The following ZBTB8A variants were observed in gnomAD, a reference collection of about 807,000 sequenced individuals.
ZBTB8A encodes the protein zinc finger and BTB domain-containing protein 8A.
A neutral mutation model predicts 37.8 loss-of-function variants in ZBTB8A; 19 were observed. That is an observed-to-expected ratio of 0.50 (90% CI 0.35 to 0.74). ZBTB8A has a LOEUF of 0.74. Ranked by LOEUF, ZBTB8A falls within the 30% of genes least tolerant of loss-of-function variation. The probability of loss-of-function intolerance (pLI) is 0.01; values close to 1 mark genes in which losing one functional copy is unlikely to be tolerated. For synonymous variants in ZBTB8A, 181 were observed against 185.2 expected (o/e 0.98, Z 0.19); for missense variants, 394 against 537.8 (o/e 0.73, Z 2.65).
intron 2 of ZBTB8A, among the ~76,000 whole-genome samples, chr1:32,564,083 C>T (rs1644262783): frequency 1.3e-5 from 2 of 152,110 alleles, no homozygotes; most frequent in South Asian, 2.1e-4. Context: ...TGTCACTGGT[C>T]CTGAGGACAT....
rs1197274526 is a variant in ZBTB8A at position 32,547,557 on chromosome 1, A to C, written c.-83-5902A>C. On this transcript the variant is annotated intron_variant, in intron 1 of 4. Transcript: ENST00000373510. ...CATAAACTTTTAGGTTGCAAATCTT[A>C]TTTTAGGTTATAGATCTCATTCTCA... Among the ~76,000 whole-genome samples, 4 of 138,486 alleles carry C rather than the reference A, an allele frequency of 2.9e-5. No individual in the cohort carries two copies. The Admixed American group carries it at 3.3e-4, about 11-fold the overall frequency. The allele number at this position is 138,486 out of a possible 152,430, so 90.9% of individuals were successfully genotyped here. A position where few individuals can be genotyped will look rare whatever the true frequency, so the allele number is the denominator to read the frequency against.
Position 32,593,747 on chromosome 1 carries a change from C to T in ZBTB8A, c.816C>T (p.Ser272=), listed in dbSNP as rs573464108. 7.5e-6 allele frequency: 12 copies of T among 1,606,664 alleles called. No homozygotes were observed. Among genetic ancestry groups the T allele is most frequent in the Non-Finnish European group, 9.3e-6 (11 of 1,176,616 alleles). Residue 272 remains serine, a synonymous_variant, in exon 3 of 5, where the codon AGC becomes AGT. Transcript: ENST00000373510. ...AAGGATCTGATGTCACATCCAAAAG[C>T]TTTCCAGGTACCCAAAAAGAGCATA... ...YGQGSDVTSK[S]FPDDLPRMRF... is the part of the protein sequence containing the mutation.
rs1416227778 is a variant in ZBTB8A, at chr1:32,577,597, T to TC, written c.-1-15334_-1-15333insC. On this transcript the variant is annotated intron_variant, in intron 2 of 4. Coordinates refer to ENST00000373510, the MANE Select transcript of ZBTB8A (RefSeq NM_001040441.3). The stretch of plus-strand genomic sequence containing the variant: ...TCAGATATTGTATTCTTTTTTTTTT[T>TC]TTTTTTTTTTTTGAGACAGAGTCTT... Among the ~76,000 whole-genome samples, 15 of 145,810 alleles carry TC rather than the reference T, an allele frequency of 1.0e-4. No homozygotes were observed. The East Asian group carries it at 3.0e-3, about 29-fold the overall frequency.
chr1:32,561,416 A>G (rs1488288358), intron 2 of ZBTB8A, among the ~76,000 whole-genome samples: 1 of 152,078 alleles, frequency 6.6e-6, no homozygotes, highest in African/African-American at 2.4e-5. Context: ...CTGCCTCTGA[A>G]GGTTGTAGGG....
intron 2 of ZBTB8A, among the ~76,000 whole-genome samples, chr1:32,568,129 A>G (rs1644297839): frequency 6.6e-6 from 1 of 152,080 alleles, no homozygotes; most frequent in South Asian, 2.1e-4. Context: ...AGCCTGGGCG[A>G]CAGAGCAAGA....
intron 2 of ZBTB8A, among the ~76,000 whole-genome samples, chr1:32,554,648 T>A (rs1301467552): frequency 6.6e-6 from 1 of 151,952 alleles, no homozygotes; most frequent in African/African-American, 2.4e-5. Flanking sequence ...CTGGCTAATT[T>A]ATGTATTTTT....
chr1:32,578,994 G>A (rs889349069), intron 2 of ZBTB8A, among the ~76,000 whole-genome samples: 4 of 152,106 alleles, frequency 2.6e-5, no homozygotes, highest in African/African-American at 9.7e-5. Flanking sequence ...TAATGGATCA[G>A]CTTGATTTGG....
In ZBTB8A at chr1:32,593,883, A is replaced by G. The variant is rs867236147; in HGVS notation, c.823+129A>G. On this transcript the variant is annotated intron_variant, in intron 3 of 4. Coordinates refer to ENST00000373510, the MANE Select transcript of ZBTB8A (RefSeq NM_001040441.3). ...GCAAGTGATTTTTTTCAAAAGTTCT[A>G]TTTTTGTAATGAAATTTATTTAGTA... is the stretch of plus-strand genomic sequence containing the variant. 5 of 726,062 alleles carry G rather than the reference A, an allele frequency of 6.9e-6. No individual in the cohort carries two copies. The Admixed American group carries it at 9.2e-5, about 13-fold the overall frequency. The allele number at this position is 726,062 out of a possible 1,614,324, so 45.0% of individuals were successfully genotyped here.
intron 2 of ZBTB8A, among the ~76,000 whole-genome samples, chr1:32,590,289 T>C (rs1304927680): frequency 6.6e-6 from 1 of 152,004 alleles, no homozygotes; most frequent in Non-Finnish European, 1.5e-5. Flanking sequence ...GTAAATCTGG[T>C]CTCCAGAATC....
intron 2 of ZBTB8A, among the ~76,000 whole-genome samples, chr1:32,574,562 A>G (rs1333238496): frequency 6.6e-6 from 1 of 152,168 alleles, no homozygotes; most frequent in African/African-American, 2.4e-5. Context: ...GCAGCCCTGC[A>G]CTCCAGACTG....
At chr1:32,580,605 C>T (rs1644396082) in intron 2 of ZBTB8A, among the ~76,000 whole-genome samples, 1 of 151,738 alleles carries the variant, frequency 6.6e-6, no homozygotes, top group South Asian at 2.1e-4. Flanking sequence ...GAAAAGGGCA[C>T]TGTCCTATGG....
intron 2 of ZBTB8A, among the ~76,000 whole-genome samples, chr1:32,562,099 G>A (rs1485906836): frequency 6.7e-6 from 1 of 149,898 alleles, no homozygotes; most frequent in Non-Finnish European, 1.5e-5. Flanking sequence ...ACCACACCCA[G>A]CCAATTTTTT....
At chr1:32,573,895 T>C (rs1045600789) in intron 2 of ZBTB8A, among the ~76,000 whole-genome samples, 6 of 151,362 alleles carry the variant, frequency 4.0e-5, no homozygotes, top group African/African-American at 1.2e-4. Context: ...ACCAACATGG[T>C]GAAACCCCAT....
chr1:32,560,768 G>T, intron 2 of ZBTB8A, among the ~76,000 whole-genome samples: 1 of 151,534 alleles, frequency 6.6e-6, no homozygotes. Context: ...GATTACAGTA[G>T]GTACATGCCA....
At chr1:32,574,925 A>G (rs1043739493) in intron 2 of ZBTB8A, among the ~76,000 whole-genome samples, 1 of 152,002 alleles carries the variant, frequency 6.6e-6, no homozygotes, top group Admixed American at 6.6e-5. Flanking sequence ...CCACAGGTGC[A>G]TGCCGCCATG....
At position 32,545,587 on chromosome 1, in the gene ZBTB8A, C is replaced by T. The variant is rs540217330; in HGVS notation, c.-84+6015C>T. On this transcript the variant is annotated intron_variant, in intron 1 of 4. Transcript: ENST00000373510. Reference sequence around the variant, plus strand: ...ATCCTTCAGAAGTGCCTCAGAACCCCCAAAACTGGAGGGGCTTCCAAGATC... The same window carrying T: ...ATCCTTCAGAAGTGCCTCAGAACCCTCAAAACTGGAGGGGCTTCCAAGATC... Among the ~76,000 whole-genome samples the T allele has an allele frequency of 2.0e-5, 3 of 152,230 alleles. No individual in the cohort carries two copies. In the South Asian group the frequency reaches 6.2e-4, roughly 32 times the overall value.
chr1:32,599,987 C>A, intron 4 of ZBTB8A, 100 bp from the exon 5 acceptor site: 2 of 887,712 alleles, frequency 2.3e-6, no homozygotes, highest in Non-Finnish European at 3.4e-6. Flanking sequence ...GAGTTTAATG[C>A]ATGGCTTTGA....
chr1:32,573,183 G>A (rs569514759), intron 2 of ZBTB8A, among the ~76,000 whole-genome samples: 1 of 146,416 alleles, frequency 6.8e-6, no homozygotes, highest in Admixed American at 7.0e-5. Context: ...TGATTCTCCT[G>A]CCTCAGCCTC....
chr1:32,544,808 T>G (rs575286355), intron 1 of ZBTB8A, among the ~76,000 whole-genome samples: 131 of 152,358 alleles, frequency 8.6e-4, no homozygotes, highest in Non-Finnish European at 1.6e-3. Context: ...CAAAATGTTA[T>G]GCGGCGCGTG....
Sources: allele counts gnomAD v4.1 joint callset (sites outside exome capture counted in the v4.1 genomes callset), GRCh38; gene constraint gnomAD v4.1.1; transcripts MANE v1.5; gene names NCBI Gene and HGNC (gene_info 2026-07-23, HGNC 2026-07-21).